CCDC191: variants seen among roughly 807,000 people sequenced by gnomAD.
CCDC191 encodes coiled-coil domain-containing protein 191.
CCDC191 carries 99 observed loss-of-function variants against 114.0 expected under a neutral mutation model. The ratio of observed to expected loss-of-function variants is 0.87; its 90% CI spans 0.74 to 1.03. The LOEUF (loss-of-function observed/expected upper bound fraction) is 1.03, where lower values mean the gene tolerates loss of function less well. Among genes scored for constraint, CCDC191 ranks in the 50% least tolerant of loss-of-function variants. The pLI, the probability that CCDC191 is intolerant of heterozygous loss-of-function variation, is 0.00. For synonymous variants in CCDC191, 351 were observed against 376.0 expected, an observed-to-expected ratio of 0.93 and a Z score of 0.77; for missense variants, 973 against 1,087.0, an observed-to-expected ratio of 0.90 and a Z score of 1.47.
chr3:113,985,738 C>T (rs911259996), intron 13 of CCDC191, among the ~76,000 whole-genome samples: 4 of 152,188 alleles, frequency 2.6e-5, no homozygotes, highest in African/African-American at 9.7e-5. Context: ...AACAAAGTCA[C>T]TAGAAGACAT....
chr3:113,998,367 GGT>G (rs1461831362), intron 13 of CCDC191, among the ~76,000 whole-genome samples: 15 of 151,578 alleles, frequency 9.9e-5, no homozygotes, highest in Non-Finnish European at 1.6e-4. Flanking sequence ...TCCTTCAAGA[GGT>G]ATTCAAGAAG....
chr3:114,009,305 A>C (rs1045663334), intron 9 of CCDC191, among the ~76,000 whole-genome samples: 10 of 152,132 alleles, frequency 6.6e-5, no homozygotes, highest in Admixed American at 5.9e-4. Context: ...TATTTTATAA[A>C]CTTTTAAATT....
chr3:114,018,757 C>A lies in CCDC191; in HGVS notation c.1084G>T (p.Ala362Ser). The A allele has an allele frequency of 6.2e-7, 1 of 1,613,522 alleles. No individual in the cohort carries two copies. Among genetic ancestry groups the A allele is most frequent in the South Asian group, 1.1e-5 (1 of 91,034 alleles). ...TGGAATCTTGTGTAGTCTCTCCAGG[C>A]CCGCAGGACCTTCAGCTGAATCTTC... Reference protein sequence around the residue: ...DWKIQLKVLRAWRDYTRFQKL... With the variant: ...DWKIQLKVLRSWRDYTRFQKL... The change falls in exon 8 of 17, where the codon GCC becomes TCC. Residue 362 changes from alanine to serine, a missense_variant. Ala to Ser is a moderately conservative substitution (Grantham distance 99). Transcript: ENST00000295878.
chr3:114,029,135 G>T (rs1211792608), intron 7 of CCDC191, among the ~76,000 whole-genome samples: 1 of 151,998 alleles, frequency 6.6e-6, no homozygotes, highest in Non-Finnish European at 1.5e-5. Context: ...TTGATTCTAG[G>T]GTGAGGACAG....
chr3:113,971,687 T>C (rs529274798), intron 16 of CCDC191, among the ~76,000 whole-genome samples: 6 of 152,238 alleles, frequency 3.9e-5, no homozygotes, highest in East Asian at 3.8e-4. Flanking sequence ...GCTGGCCTGA[T>C]AGAATAAGTA....
intron 11 of CCDC191, chr3:114,004,113 A>C (rs538473021): frequency 5.6e-5 from 54 of 956,868 alleles, no homozygotes; most frequent in Non-Finnish European, 6.2e-5. Flanking sequence ...TACCAAATAA[A>C]TAAATGTTTC....
intron 13 of CCDC191, among the ~76,000 whole-genome samples, chr3:113,996,671 C>T (rs1366953232): frequency 6.6e-6 from 1 of 152,158 alleles, no homozygotes; most frequent in Non-Finnish European, 1.5e-5. Flanking sequence ...TACATATACA[C>T]CATGGAATGC....
chr3:113,976,357 A>G (rs1265416329), intron 16 of CCDC191, among the ~76,000 whole-genome samples: 1 of 152,108 alleles, frequency 6.6e-6, no homozygotes, highest in Non-Finnish European at 1.5e-5. Context: ...CAAGAAGAGA[A>G]TGTTTTAGGG....
intron 13 of CCDC191, among the ~76,000 whole-genome samples, chr3:113,987,157 A>T (rs2075391488): frequency 6.6e-6 from 1 of 150,986 alleles, no homozygotes; most frequent in Non-Finnish European, 1.5e-5. Context: ...CTGTCAACCC[A>T]CAATTCTATA....
At chr3:113,985,840 T>C (rs1473108677) in intron 13 of CCDC191, among the ~76,000 whole-genome samples, 2 of 152,198 alleles carry the variant, frequency 1.3e-5, no homozygotes, top group African/African-American at 4.8e-5. Flanking sequence ...AATTCCCGGC[T>C]AAATTAGTAC....
chr3:114,007,342 G>A (rs1187349878), intron 9 of CCDC191, among the ~76,000 whole-genome samples: 1 of 151,992 alleles, frequency 6.6e-6, no homozygotes, highest in East Asian at 1.9e-4. Context: ...CCATCCTTAG[G>A]GACTCAAAAA....
At chr3:114,041,438 C>G (rs1223539671) in intron 4 of CCDC191, among the ~76,000 whole-genome samples, 3 of 152,170 alleles carry the variant, frequency 2.0e-5, no homozygotes, top group Non-Finnish European at 4.4e-5. Context: ...TTACTGAAGA[C>G]AAAATCTTAA....
intron 13 of CCDC191, among the ~76,000 whole-genome samples, chr3:113,985,641 T>C (rs985784265): frequency 2.6e-5 from 4 of 152,142 alleles, no homozygotes; most frequent in Non-Finnish European, 5.9e-5. Flanking sequence ...ATAATAATAG[T>C]GGATTACAGC....
Position 114,053,702 on chromosome 3 carries a change from A to G in CCDC191, c.91-67T>C, listed in dbSNP as rs373292609. ...TTTATCAACTTTGCCATTTAAATCTATCCTTCTGACTAAAGCATATGGAAC... is the reference window on the plus strand; with the variant it reads ...TTTATCAACTTTGCCATTTAAATCTGTCCTTCTGACTAAAGCATATGGAAC... On this transcript the variant is annotated intron_variant, in intron 1 of 16. Coordinates refer to ENST00000295878, the MANE Select transcript of CCDC191 (RefSeq NM_020817.2). The G allele has an allele frequency of 1.6e-4, 170 of 1,075,836 alleles. 1 individual carries two copies. In the African/African-American group the frequency reaches 2.3e-3, roughly 14 times the overall value. 66.6% of individuals were successfully genotyped at this position (1,075,836 alleles called of 1,614,324 possible).
chr3:114,041,099 T>C (rs2076553458), intron 4 of CCDC191, among the ~76,000 whole-genome samples: 1 of 151,636 alleles, frequency 6.6e-6, no homozygotes, highest in South Asian at 2.1e-4. Flanking sequence ...CCAATCTAAG[T>C]AAAGGGATAT....
At chr3:114,041,052 G>A (rs1020262216) in intron 4 of CCDC191, among the ~76,000 whole-genome samples, 1 of 150,320 alleles carries the variant, frequency 6.7e-6, no homozygotes, top group Non-Finnish European at 1.5e-5. Flanking sequence ...ACCAGCATAC[G>A]ATGATTGAGG....
chr3:114,051,047 G>A (rs951492676), intron 2 of CCDC191, among the ~76,000 whole-genome samples: 8 of 152,124 alleles, frequency 5.3e-5, no homozygotes, highest in Non-Finnish European at 1.2e-4. Flanking sequence ...AGGTTTGGTT[G>A]TTCATCTGTA....
chr3:114,005,468 C>A, intron 10 of CCDC191, 40 bp downstream of exon 10: 1 of 1,547,766 alleles, frequency 6.5e-7, no homozygotes, highest in Non-Finnish European at 8.7e-7. Context: ...TGAAAAACCC[C>A]TTAAAATGAG....
intron 4 of CCDC191, among the ~76,000 whole-genome samples, chr3:114,040,729 CCAATCTCTG>C (rs1559930094): frequency 6.6e-6 from 1 of 152,050 alleles, no homozygotes; most frequent in African/African-American, 2.4e-5. Context: ...ATCCATTCTG[CCAATCTCTG>C]CATTTGGACT....
Sources: allele counts gnomAD v4.1 joint callset (sites outside exome capture counted in the v4.1 genomes callset), GRCh38; gene constraint gnomAD v4.1.1; transcripts MANE v1.5; gene names NCBI Gene and HGNC (gene_info 2026-07-23, HGNC 2026-07-21).